The following DTNB variants were observed in gnomAD, a reference collection of about 807,000 sequenced individuals.
DTNB encodes the protein DTN-B.
DTNB carries 63 observed loss-of-function variants against 90.7 expected under a neutral mutation model. That is an observed-to-expected ratio of 0.69 (90% CI 0.57 to 0.86). The LOEUF is 0.86. Ranked by LOEUF, DTNB falls within the 40% of genes least tolerant of loss-of-function variation. The pLI is 0.00. For synonymous variants in DTNB, 277 were observed against 286.7 expected (o/e 0.97, Z 0.34); for missense variants, 744 against 807.1 (o/e 0.92, Z 0.95).
intron 10 of DTNB, among the ~76,000 whole-genome samples, chr2:25,459,007 C>G (rs1489210442): frequency 2.0e-5 from 3 of 151,098 alleles, no homozygotes; most frequent in Admixed American, 6.6e-5. Flanking sequence ...TTCTTGAACT[C>G]TTGGGTTCAG....
At chr2:25,515,911 TAAGTGCA>T (rs542756398) in intron 9 of DTNB, among the ~76,000 whole-genome samples, 1 of 152,274 alleles carries the variant, frequency 6.6e-6, no homozygotes, top group South Asian at 2.1e-4. Context: ...CAGGGGAAAC[TAAGTGCA>T]GGGTGTACAG....
intron 9 of DTNB, among the ~76,000 whole-genome samples, chr2:25,527,011 A>G (rs1575410360): frequency 6.6e-6 from 1 of 152,288 alleles, no homozygotes; most frequent in Non-Finnish European, 1.5e-5. Flanking sequence ...GAAAACCTCT[A>G]TATGTTTGGA....
At chr2:25,459,038 T>G (rs1050724321) in intron 10 of DTNB, among the ~76,000 whole-genome samples, 3 of 152,108 alleles carry the variant, frequency 2.0e-5, no homozygotes, top group African/African-American at 7.2e-5. Flanking sequence ...TGTCTTTTTT[T>G]TTTTTCTCTA....
At chr2:25,538,696 C>G (rs1407099741) in intron 8 of DTNB, among the ~76,000 whole-genome samples, 2 of 152,184 alleles carry the variant, frequency 1.3e-5, no homozygotes, top group African/African-American at 4.8e-5. Flanking sequence ...AGTTGAACCA[C>G]CCACCTCAGC....
At chr2:25,592,773 A>G (rs898721049) in intron 6 of DTNB, among the ~76,000 whole-genome samples, 1 of 152,240 alleles carries the variant, frequency 6.6e-6, no homozygotes. Context: ...ATCATAAGGT[A>G]TATGAGGAAA....
intron 8 of DTNB, among the ~76,000 whole-genome samples, chr2:25,543,345 G>A (rs1327366396): frequency 2.0e-5 from 3 of 150,304 alleles, no homozygotes; most frequent in African/African-American, 2.5e-5. Context: ...TTGCTCTGTC[G>A]CCCAGGCTGG....
intron 9 of DTNB, among the ~76,000 whole-genome samples, chr2:25,485,114 T>C (rs953355750): frequency 6.6e-6 from 1 of 152,164 alleles, no homozygotes; most frequent in Admixed American, 6.5e-5. Context: ...CAAAAGAAGA[T>C]AAAGACATTT....
At chr2:25,539,709 A>T (rs1391657374) in intron 8 of DTNB, among the ~76,000 whole-genome samples, 1 of 151,646 alleles carries the variant, frequency 6.6e-6, no homozygotes, top group Non-Finnish European at 1.5e-5. Context: ...TTTTTGATGA[A>T]CATCTTTAAA....
chr2:25,662,687 C>CAA (rs1403617559), intron 1 of DTNB, among the ~76,000 whole-genome samples: 254 of 105,078 alleles, frequency 2.4e-3, no homozygotes, highest in African/African-American at 7.0e-3. Flanking sequence ...CACAAACACA[C>CAA]ACACACACAC....
At chr2:25,630,051 A>AACCCAATT (rs2075330581) in intron 3 of DTNB, among the ~76,000 whole-genome samples, 2 of 152,252 alleles carry the variant, frequency 1.3e-5, no homozygotes, top group South Asian at 4.1e-4. Flanking sequence ...AAAAAAAGAT[A>AACCCAATT]ACCCAATTTA....
intron 17 of DTNB, among the ~76,000 whole-genome samples, 159 bp downstream of exon 17, chr2:25,388,043 T>A (rs2040004530): frequency 1.3e-5 from 2 of 152,206 alleles, no homozygotes; most frequent in Admixed American, 1.3e-4. Context: ...GCCCGTCTCA[T>A]GAGAAGGGGC....
chr2:25,657,588 T>C (rs946710633), intron 1 of DTNB, among the ~76,000 whole-genome samples: 1 of 152,012 alleles, frequency 6.6e-6, no homozygotes, highest in African/African-American at 2.4e-5. Context: ...GGCAGGCTGG[T>C]GCACACCTGT....
At chr2:25,516,245 A>ACTTT (rs752288045) in intron 9 of DTNB, among the ~76,000 whole-genome samples, 8 of 152,028 alleles carry the variant, frequency 5.3e-5, no homozygotes, top group Non-Finnish European at 1.0e-4. Flanking sequence ...TAGTCCTGTC[A>ACTTT]CTTTCTTTCT....
chr2:25,480,643 G>A lies in DTNB; in HGVS notation c.1079+2153C>T, dbSNP rs565246872. On this transcript the variant is annotated intron_variant, in intron 10 of 20. Coordinates refer to ENST00000406818, the MANE Select transcript of DTNB (RefSeq NM_021907.5). ...CTAGCAGCCACATTCAGCTGTGGTC[G>A]CCCTCATGTACTCGGGTGACTTAGC... is the stretch of plus-strand genomic sequence containing the variant. Among the ~76,000 whole-genome samples, 14 of 152,258 alleles carry A rather than the reference G, an allele frequency of 9.2e-5. No individual in the cohort carries two copies. The East Asian group carries it at 2.1e-3, about 23-fold the overall frequency.
At chr2:25,497,672 G>A (rs1388338023) in intron 9 of DTNB, 3 of 152,216 alleles carry the variant, frequency 2.0e-5, no homozygotes, top group Non-Finnish European at 4.4e-5. Flanking sequence ...TCCAGTGTGA[G>A]CTGCTGAGCA....
intron 14 of DTNB, among the ~76,000 whole-genome samples, chr2:25,432,435 A>G (rs2054212782): frequency 6.6e-6 from 1 of 151,556 alleles, no homozygotes; most frequent in East Asian, 1.9e-4. Context: ...CAAGGGTTTC[A>G]TGTCTCAGAG....
chr2:25,582,713 C>T (rs940922110), intron 6 of DTNB, among the ~76,000 whole-genome samples: 1 of 152,188 alleles, frequency 6.6e-6, no homozygotes, highest in African/African-American at 2.4e-5. Flanking sequence ...CTCTACACAT[C>T]ATGAGCACTG....
chr2:25,568,486 A>C (rs1056247603), intron 8 of DTNB, among the ~76,000 whole-genome samples: 8 of 152,076 alleles, frequency 5.3e-5, no homozygotes, highest in South Asian at 2.1e-4. Flanking sequence ...TTAAAAAAAA[A>C]CACACACAAT....
At chr2:25,498,268 TTAGA>T (rs1260331513) in intron 9 of DTNB, among the ~76,000 whole-genome samples, 2 of 152,204 alleles carry the variant, frequency 1.3e-5, no homozygotes, top group African/African-American at 4.8e-5. Context: ...TATTATTTAC[TTAGA>T]TAAATGAAGA....
Sources: gnomAD v4.1 joint callset for allele counts (sites outside exome capture counted in the v4.1 genomes callset) on GRCh38, gnomAD v4.1.1 for gene constraint, MANE v1.5 for transcripts, NCBI Gene and HGNC (gene_info 2026-07-23, HGNC 2026-07-21) for gene names.